Variants in PTPRN2 observed in about 807,000 individuals in gnomAD.
PTPRN2 encodes receptor-type tyrosine-protein phosphatase N2.
A neutral mutation model predicts 118.8 loss-of-function variants in PTPRN2; 74 were observed. That is an observed-to-expected ratio of 0.62 (90% CI 0.52 to 0.76). PTPRN2 has a LOEUF of 0.76. PTPRN2 is among the 30% of genes least tolerant of loss of function. The probability of loss-of-function intolerance (pLI) is 0.00; values close to 1 mark genes in which losing one functional copy is unlikely to be tolerated. For synonymous variants in PTPRN2, 641 were observed against 608.0 expected, an observed-to-expected ratio of 1.05 and a Z score of -0.80; for missense variants, 1,481 against 1,394.4, an observed-to-expected ratio of 1.06 and a Z score of -0.99.
At chr7:158,382,168 G>A (rs1038064357) in intron 2 of PTPRN2, among the ~76,000 whole-genome samples, 1 of 152,160 alleles carries the variant, frequency 6.6e-6, no homozygotes, top group Middle Eastern at 3.2e-3. Context: ...GCATACATGT[G>A]CAGGCACCTG....
At chr7:158,166,737 C>T (rs1275537587) in intron 6 of PTPRN2, among the ~76,000 whole-genome samples, 194 bp downstream of exon 6, 1 of 152,230 alleles carries the variant, frequency 6.6e-6, no homozygotes. Flanking sequence ...TGACCACATA[C>T]TCCTTCCCAG....
intron 12 of PTPRN2, among the ~76,000 whole-genome samples, chr7:157,688,814 C>G (rs968109306): frequency 6.6e-6 from 1 of 152,206 alleles, no homozygotes; most frequent in Non-Finnish European, 1.5e-5. Context: ...GGCCCCGTCC[C>G]CTGCCTGGGC....
intron 3 of PTPRN2, among the ~76,000 whole-genome samples, chr7:158,295,777 G>A (rs1421602520): frequency 6.9e-6 from 1 of 145,140 alleles, no homozygotes; most frequent in African/African-American, 2.6e-5. Context: ...CTCTCCATCC[G>A]CACGGTTCAC....
chr7:158,277,872 G>A (rs1347427400), intron 3 of PTPRN2, among the ~76,000 whole-genome samples: 2 of 152,206 alleles, frequency 1.3e-5, no homozygotes, highest in African/African-American at 4.8e-5. Context: ...GGCTTCTCCT[G>A]TCTGGCATCA....
intron 2 of PTPRN2, among the ~76,000 whole-genome samples, chr7:158,463,749 TTCA>T (rs1228339868): frequency 1.3e-5 from 2 of 151,566 alleles, no homozygotes; most frequent in Non-Finnish European, 2.9e-5. Context: ...AAACAATCAC[TTCA>T]TCATCACCGT....
intron 2 of PTPRN2, among the ~76,000 whole-genome samples, chr7:158,399,535 G>A (rs1474848650): frequency 6.6e-6 from 1 of 152,018 alleles, no homozygotes; most frequent in Admixed American, 6.6e-5. Context: ...TCCTGCCTGT[G>A]GTCTCAGCTA....
At chr7:157,828,397 C>T (rs1470658506) in intron 12 of PTPRN2, among the ~76,000 whole-genome samples, 4 of 152,188 alleles carry the variant, frequency 2.6e-5, no homozygotes, top group Admixed American at 2.0e-4. Flanking sequence ...CAAGACTTGC[C>T]CCCACTTCCG....
intron 10 of PTPRN2, among the ~76,000 whole-genome samples, chr7:158,107,816 C>T (rs1001162914): frequency 4.6e-5 from 7 of 151,874 alleles, no homozygotes; most frequent in Admixed American, 3.3e-4. Context: ...CATGCCCCCT[C>T]TTTCATGTGG....
At chr7:158,190,661 C>A (rs10231253) in intron 5 of PTPRN2, among the ~76,000 whole-genome samples, 33,023 of 152,148 alleles carry the variant, frequency 0.22, 4,111 homozygotes, top group African/African-American at 0.33. Context: ...TGATTTCAAC[C>A]AACCAGGAAA....
At chr7:157,732,176 GCA>G (rs1799983925) in intron 12 of PTPRN2, among the ~76,000 whole-genome samples, 1 of 96,970 alleles carries the variant, frequency 1.0e-5, no homozygotes, top group African/African-American at 3.9e-5. Context: ...CATGCGCCCA[GCA>G]CAGTTACCCT....
At chr7:158,442,618 G>A (rs929030065) in intron 2 of PTPRN2, among the ~76,000 whole-genome samples, 1 of 152,196 alleles carries the variant, frequency 6.6e-6, no homozygotes, top group Non-Finnish European at 1.5e-5. Context: ...CATCTAAACA[G>A]ACATTTACCC....
At chr7:158,160,717 C>A (rs982709547) in intron 6 of PTPRN2, among the ~76,000 whole-genome samples, 1 of 152,164 alleles carries the variant, frequency 6.6e-6, no homozygotes, top group African/African-American at 2.4e-5. Context: ...AATTACCAAG[C>A]AGAGGGACAT....
chr7:157,807,961 A>G (rs935973818), intron 12 of PTPRN2, among the ~76,000 whole-genome samples: 18 of 152,230 alleles, frequency 1.2e-4, no homozygotes, highest in African/African-American at 4.3e-4. Context: ...TGAGGCTTAG[A>G]ACATTAAGCA....
chr7:157,803,166 T>C (rs1235110490), intron 12 of PTPRN2, among the ~76,000 whole-genome samples: 1 of 152,180 alleles, frequency 6.6e-6, no homozygotes, highest in Non-Finnish European at 1.5e-5. Context: ...GGTTTTGCCA[T>C]GTTAGCCAGG....
intron 2 of PTPRN2, among the ~76,000 whole-genome samples, chr7:158,343,869 C>G (rs1434905602): frequency 2.0e-5 from 3 of 150,728 alleles, no homozygotes; most frequent in African/African-American, 7.3e-5. Flanking sequence ...CAGCTACAAT[C>G]GAGCTCAGGT....
intron 1 of PTPRN2, among the ~76,000 whole-genome samples, chr7:158,585,593 T>C (rs2129453011): frequency 6.6e-6 from 1 of 152,324 alleles, no homozygotes; most frequent in African/African-American, 2.4e-5. Flanking sequence ...CACTGCTGCA[T>C]TGGGCATTAT....
At chr7:157,744,623 T>A (rs1019717548) in intron 12 of PTPRN2, among the ~76,000 whole-genome samples, 1 of 152,198 alleles carries the variant, frequency 6.6e-6, no homozygotes, top group African/African-American at 2.4e-5. Context: ...CTTTTGAATT[T>A]TAGAAAGTAG....
At chr7:157,600,763 G>A (rs1801624650) in intron 16 of PTPRN2, among the ~76,000 whole-genome samples, 1 of 152,180 alleles carries the variant, frequency 6.6e-6, no homozygotes, top group Admixed American at 6.5e-5. Context: ...TAGGAGTTGA[G>A]ATTTACTTAA....
At chr7:158,313,430 G>C (rs1005804428) in intron 3 of PTPRN2, among the ~76,000 whole-genome samples, 2 of 152,220 alleles carry the variant, frequency 1.3e-5, no homozygotes, top group African/African-American at 4.8e-5. Flanking sequence ...AGGACACACA[G>C]TCCCTGGGGA....
Sources: allele counts gnomAD v4.1 joint callset (sites outside exome capture counted in the v4.1 genomes callset), GRCh38; gene constraint gnomAD v4.1.1; transcripts MANE v1.5; gene names NCBI Gene and HGNC (gene_info 2026-07-23, HGNC 2026-07-21).